Variants in ASIC2 observed in about 807,000 individuals in gnomAD.
ASIC2 encodes acid sensing ion channel subunit 2.
A neutral mutation model predicts 57.3 loss-of-function variants in ASIC2; 25 were observed. The ratio of observed to expected loss-of-function variants is 0.44; its 90% CI spans 0.32 to 0.61. ASIC2 has a LOEUF of 0.61. Ranked by LOEUF, ASIC2 falls within the 20% of genes least tolerant of loss-of-function variation. ASIC2 has a pLI of 0.06. For missense variants in ASIC2, 641 were observed against 738.1 expected (o/e 0.87, Z 1.52); for synonymous variants, 319 against 307.5 (o/e 1.04, Z -0.39).
At chr17:33,658,297 T>C (rs1907139454) in intron 1 of ASIC2, among the ~76,000 whole-genome samples, 1 of 152,222 alleles carries the variant, frequency 6.6e-6, no homozygotes, top group African/African-American at 2.4e-5. Context: ...AAGCGAAGCA[T>C]AGGAATCCAA....
chr17:33,940,358 G>A (rs1217397068), intron 1 of ASIC2, among the ~76,000 whole-genome samples: 1 of 152,206 alleles, frequency 6.6e-6, no homozygotes, highest in Non-Finnish European at 1.5e-5. Context: ...TTTCCAGAGG[G>A]ATCACCCTGA....
intron 1 of ASIC2, among the ~76,000 whole-genome samples, chr17:33,782,345 T>G (rs1471370609): frequency 6.6e-6 from 1 of 151,970 alleles, no homozygotes; most frequent in South Asian, 2.1e-4. Flanking sequence ...GTATAAGGTT[T>G]AGATTGAAGT....
intron 1 of ASIC2, among the ~76,000 whole-genome samples, chr17:33,646,685 G>C (rs1906751442): frequency 6.6e-6 from 1 of 152,178 alleles, no homozygotes; most frequent in Non-Finnish European, 1.5e-5. Flanking sequence ...CTGAAAATCA[G>C]ATTCCTTGAC....
chr17:33,502,893 G>A (rs981974732), intron 1 of ASIC2, among the ~76,000 whole-genome samples: 6 of 152,156 alleles, frequency 3.9e-5, no homozygotes. Flanking sequence ...GATCTAAAAT[G>A]AGACTCTTAC....
intron 1 of ASIC2, among the ~76,000 whole-genome samples, chr17:34,126,904 CG>C (rs1567831353): frequency 6.6e-6 from 1 of 152,104 alleles, no homozygotes; most frequent in Non-Finnish European, 1.5e-5. Flanking sequence ...CTGAGTAGCC[CG>C]GGCACGTCCC....
intron 1 of ASIC2, among the ~76,000 whole-genome samples, chr17:33,924,281 A>G (rs779647074): frequency 2.0e-5 from 3 of 152,172 alleles, no homozygotes; most frequent in Admixed American, 6.5e-5. Flanking sequence ...CCCTGGAGTG[A>G]GGCTTGCAGA....
intron 1 of ASIC2, among the ~76,000 whole-genome samples, chr17:33,164,576 G>GCACACACACA (rs35380225): frequency 5.6e-4 from 84 of 149,884 alleles, no homozygotes; most frequent in African/African-American, 2.1e-3. Flanking sequence ...GCACATGCAC[G>GCACACACACA]CACACACACA....
intron 1 of ASIC2, among the ~76,000 whole-genome samples, chr17:33,625,561 T>TTC (rs1233566176): frequency 6.6e-6 from 1 of 152,228 alleles, no homozygotes; most frequent in Non-Finnish European, 1.5e-5. Flanking sequence ...ACATCTTAGA[T>TTC]TAATTTGCAA....
rs867921530 is a variant in ASIC2 at position 33,493,178 on chromosome 17, C to T, written c.556-381111G>A. Among the ~76,000 whole-genome samples, 8 of 152,290 alleles carry T rather than the reference C, an allele frequency of 5.3e-5. No individual in the cohort carries two copies. The South Asian group carries it at 8.3e-4, about 16-fold the overall frequency. On this transcript the variant is annotated intron_variant, in intron 1 of 9. Transcript: ENST00000359872. ...AAAGGGGAGTTATGGTTTCTTCAGG[C>T]TCCAGGGTATGTGCTGGGCTCAGCC...
intron 1 of ASIC2, among the ~76,000 whole-genome samples, chr17:33,449,887 G>A (rs1356543436): frequency 1.3e-5 from 2 of 151,820 alleles, no homozygotes; most frequent in Non-Finnish European, 2.9e-5. Flanking sequence ...TGATTCTCCT[G>A]CTTCCCAAGT....
intron 1 of ASIC2, among the ~76,000 whole-genome samples, chr17:33,289,049 G>A (rs1481222706): frequency 1.3e-5 from 2 of 152,200 alleles, no homozygotes; most frequent in African/African-American, 2.4e-5. Context: ...TACAGACAGA[G>A]GGGTGAAGCC....
intron 1 of ASIC2, among the ~76,000 whole-genome samples, chr17:33,549,305 C>T (rs1055301184): frequency 6.6e-6 from 1 of 152,104 alleles, no homozygotes; most frequent in African/African-American, 2.4e-5. Context: ...CATCTTAACT[C>T]GTTTTAGGAA....
chr17:33,914,492 T>A (rs1247000362), intron 1 of ASIC2, among the ~76,000 whole-genome samples: 4 of 152,126 alleles, frequency 2.6e-5, no homozygotes, highest in African/African-American at 7.2e-5. Context: ...AGTTTGGGAA[T>A]CAGGAGACAG....
intron 1 of ASIC2, among the ~76,000 whole-genome samples, chr17:33,787,203 G>C (rs1049731589): frequency 6.6e-6 from 1 of 152,216 alleles, no homozygotes; most frequent in African/African-American, 2.4e-5. Flanking sequence ...TATTTCCAAA[G>C]TTGCCTGAAT....
At chr17:33,071,484 A>C (rs1368743819) in intron 3 of ASIC2, among the ~76,000 whole-genome samples, 1 of 152,208 alleles carries the variant, frequency 6.6e-6, no homozygotes, top group Non-Finnish European at 1.5e-5. Flanking sequence ...AGATTTAGCT[A>C]TAAATGTTTT....
chr17:33,098,751 CTTTTTCA>C (rs2092195786), intron 2 of ASIC2, among the ~76,000 whole-genome samples: 2 of 151,966 alleles, frequency 1.3e-5, no homozygotes, highest in African/African-American at 4.8e-5. Context: ...AATCTTTTTT[CTTTTTCA>C]TTTTTCATTT....
intron 1 of ASIC2, among the ~76,000 whole-genome samples, chr17:33,887,804 G>C (rs1914863576): frequency 6.6e-6 from 1 of 152,168 alleles, no homozygotes. Flanking sequence ...ATTTTTTAGT[G>C]TAGCCTTTAA....
chr17:33,771,549 G>GA (rs1040863749), intron 1 of ASIC2, among the ~76,000 whole-genome samples: 1 of 148,540 alleles, frequency 6.7e-6, no homozygotes, highest in Non-Finnish European at 1.5e-5. Context: ...TTACATTAGT[G>GA]TTTTTTTTTT....
At chr17:33,407,663 G>C (rs1335647418) in intron 1 of ASIC2, among the ~76,000 whole-genome samples, 1 of 152,180 alleles carries the variant, frequency 6.6e-6, no homozygotes, top group Non-Finnish European at 1.5e-5. Context: ...GAAACAGTCT[G>C]ATTAGAGAAA....
Sources: allele counts gnomAD v4.1 joint callset (sites outside exome capture counted in the v4.1 genomes callset), GRCh38; gene constraint gnomAD v4.1.1; transcripts MANE v1.5; gene names NCBI Gene and HGNC (gene_info 2026-07-23, HGNC 2026-07-21).